NOL4: variants seen among roughly 807,000 people sequenced by gnomAD.
NOL4 encodes nucleolar protein 4.
NOL4 carries 17 observed loss-of-function variants against 75.9 expected under a neutral mutation model. The ratio of observed to expected loss-of-function variants is 0.22; its 90% CI spans 0.15 to 0.34. The LOEUF (loss-of-function observed/expected upper bound fraction) is 0.34. Ranked by LOEUF, NOL4 falls within the 10% of genes least tolerant of loss-of-function variation. NOL4 has a pLI of 1.00. For missense variants in NOL4, 614 were observed against 793.5 expected (o/e 0.77, Z 2.72); for synonymous variants, 292 against 289.9 (o/e 1.01, Z -0.07).
intron 1 of NOL4, among the ~76,000 whole-genome samples, chr18:34,173,943 T>C (rs1327703560): frequency 6.6e-6 from 1 of 152,222 alleles, no homozygotes. Flanking sequence ...CATTATTAAC[T>C]ACTTTCTCAT....
intron 6 of NOL4, among the ~76,000 whole-genome samples, chr18:33,999,423 T>C (rs2073533762): frequency 6.6e-6 from 1 of 152,116 alleles, no homozygotes; most frequent in African/African-American, 2.4e-5. Context: ...AATATAATGT[T>C]ATTTTCTAAG....
rs568674937 is a variant in NOL4 at position 34,026,755 on chromosome 18, A to G, written c.773-7154T>C. 1.1e-3 allele frequency among the ~76,000 whole-genome samples: 171 copies of G among 152,246 alleles called. 1 individual carries two copies. Among genetic ancestry groups the G allele is most frequent in the Non-Finnish European group, 1.4e-3 (95 of 68,004 alleles). On this transcript the variant is annotated intron_variant, in intron 5 of 10. Transcript: ENST00000261592. ...AAGATAATTTCACCCAGTTCCCTTT[A>G]CTGTTTCTCTCTCTTGCATTGAAAT...
chr18:33,995,270 T>C (rs2146160803), intron 6 of NOL4, among the ~76,000 whole-genome samples: 1 of 151,708 alleles, frequency 6.6e-6, no homozygotes, highest in South Asian at 2.1e-4. Context: ...AATTGAATAT[T>C]ACTCTGATAC....
intron 1 of NOL4, among the ~76,000 whole-genome samples, chr18:34,141,983 C>CA (rs925525458): frequency 2.6e-5 from 4 of 151,036 alleles, no homozygotes; most frequent in Non-Finnish European, 3.0e-5. Context: ...AACAAATTTA[C>CA]AAAAAAAACA....
At chr18:33,947,358 G>A (rs1309513434) in intron 8 of NOL4, among the ~76,000 whole-genome samples, 1 of 151,580 alleles carries the variant, frequency 6.6e-6, no homozygotes, top group Non-Finnish European at 1.5e-5. Flanking sequence ...TAGGGAATAT[G>A]GTCATAGATT....
At chr18:34,073,720 T>C (rs1475725607) in intron 5 of NOL4, among the ~76,000 whole-genome samples, 1 of 151,954 alleles carries the variant, frequency 6.6e-6, no homozygotes, top group Admixed American at 6.6e-5. Flanking sequence ...TAAATGTAAA[T>C]AGCCTTGTAT....
At chr18:34,108,964 A>G (rs901000720) in intron 2 of NOL4, among the ~76,000 whole-genome samples, 1 of 152,196 alleles carries the variant, frequency 6.6e-6, no homozygotes, top group Non-Finnish European at 1.5e-5. Context: ...AGTCCTAACA[A>G]ATTTTAAAAA....
intron 8 of NOL4, among the ~76,000 whole-genome samples, chr18:33,954,717 T>G (rs1054634349): frequency 2.0e-5 from 3 of 152,052 alleles, no homozygotes; most frequent in Non-Finnish European, 4.4e-5. Context: ...CTCTGTAAAG[T>G]CACCAGAGAA....
At chr18:34,049,396 G>T (rs903848896) in intron 5 of NOL4, among the ~76,000 whole-genome samples, 2 of 151,888 alleles carry the variant, frequency 1.3e-5, no homozygotes, top group African/African-American at 4.8e-5. Flanking sequence ...GGAAAATAAT[G>T]AACACGTATA....
intron 10 of NOL4, among the ~76,000 whole-genome samples, chr18:33,855,409 A>G (rs1231166845): frequency 6.6e-6 from 1 of 152,116 alleles, no homozygotes; most frequent in African/African-American, 2.4e-5. Context: ...AATTAAGTCT[A>G]GGAAAGTATT....
At chr18:33,866,634 C>T (rs1248922468) in intron 10 of NOL4, among the ~76,000 whole-genome samples, 1 of 152,100 alleles carries the variant, frequency 6.6e-6, no homozygotes, top group African/African-American at 2.4e-5. Flanking sequence ...CCTAACTAAT[C>T]CTTTGATAAA....
chr18:34,098,456 A>G (rs886162244), intron 4 of NOL4, among the ~76,000 whole-genome samples: 4 of 152,154 alleles, frequency 2.6e-5, no homozygotes, highest in African/African-American at 9.7e-5. Context: ...TTCTTGGACT[A>G]TCCAGCCAGG....
intron 9 of NOL4, among the ~76,000 whole-genome samples, chr18:33,922,929 A>G (rs12954969): frequency 6.6e-6 from 1 of 152,192 alleles, no homozygotes. Flanking sequence ...TATCATATAT[A>G]CATCCTTTTG....
chr18:34,139,106 G>A (rs981565957), intron 1 of NOL4, among the ~76,000 whole-genome samples: 2 of 152,092 alleles, frequency 1.3e-5, no homozygotes, highest in Non-Finnish European at 2.9e-5. Flanking sequence ...TTTTTGCATC[G>A]ATGTTTATCA....
intron 5 of NOL4, among the ~76,000 whole-genome samples, chr18:34,031,274 C>A (rs1287742091): frequency 6.6e-6 from 1 of 152,090 alleles, no homozygotes; most frequent in African/African-American, 2.4e-5. Flanking sequence ...AAACTCTCAG[C>A]GATGAAGACT....
chr18:34,165,933 C>T (rs1260495131), intron 1 of NOL4, among the ~76,000 whole-genome samples: 1 of 151,844 alleles, frequency 6.6e-6, no homozygotes, highest in Non-Finnish European at 1.5e-5. Flanking sequence ...ACAACACTTT[C>T]TTTCAATATT....
chr18:34,050,456 G>A (rs9961162), intron 5 of NOL4, among the ~76,000 whole-genome samples: 125,053 of 151,992 alleles, frequency 0.82, 51,518 homozygotes, highest in East Asian at 0.97. Context: ...ACTATCTGCT[G>A]TTCCTTTAGG....
At chr18:34,209,026 A>G (rs1349454878) in intron 1 of NOL4, among the ~76,000 whole-genome samples, 1 of 151,828 alleles carries the variant, frequency 6.6e-6, no homozygotes, top group Non-Finnish European at 1.5e-5. Context: ...CTTTGCCAAC[A>G]TGGTGAAACC....
chr18:33,864,546 A>G (rs1243003350), intron 10 of NOL4, among the ~76,000 whole-genome samples: 1 of 152,142 alleles, frequency 6.6e-6, no homozygotes. Context: ...GGTCAAAACC[A>G]TTCAACAAGT....
Sources: gnomAD v4.1 joint callset for allele counts (sites outside exome capture counted in the v4.1 genomes callset) on GRCh38, gnomAD v4.1.1 for gene constraint, MANE v1.5 for transcripts, NCBI Gene and HGNC (gene_info 2026-07-23, HGNC 2026-07-21) for gene names.